Variants in PRKCE observed in about 807,000 individuals in gnomAD.
PRKCE encodes protein kinase C epsilon.
In PRKCE, 16 loss-of-function variants were observed where a neutral mutation model predicts 85.4. That is an observed-to-expected ratio of 0.19 (90% confidence interval 0.13 to 0.28). The LOEUF is 0.28. Ranked by LOEUF, PRKCE falls within the 10% of genes least tolerant of loss-of-function variation. The pLI, the probability that PRKCE is intolerant of heterozygous loss-of-function variation, is 1.00. For synonymous variants in PRKCE, 388 were observed against 371.5 expected, an observed-to-expected ratio of 1.04 and a Z score of -0.51; for missense variants, 573 against 975.2, an observed-to-expected ratio of 0.59 and a Z score of 5.49.
chr2:46,085,755 GT>G (rs869284473), intron 10 of PRKCE, among the ~76,000 whole-genome samples: 240 of 21,552 alleles, frequency 0.011, 6 homozygotes, highest in Admixed American at 0.026. Context: ...TTTTGTTTTT[GT>G]TTTTTTTTTT....
At chr2:45,880,304 T>C (rs865823033) in intron 2 of PRKCE, among the ~76,000 whole-genome samples, 2 of 152,256 alleles carry the variant, frequency 1.3e-5, no homozygotes, top group Non-Finnish European at 2.9e-5. Flanking sequence ...TCTTGGCCAT[T>C]GTGTCTACTG....
Position 46,033,645 on chromosome 2 carries a change from C to A in PRKCE, c.1437+23128C>A, listed in dbSNP as rs80251224. Among the ~76,000 whole-genome samples, 431 of 152,304 alleles carry A rather than the reference C, an allele frequency of 2.8e-3. 1 individual carries two copies. The highest frequency in any genetic ancestry group is 4.1e-3 in the Non-Finnish European group (278 of 68,032). On this transcript the variant is annotated intron_variant, in intron 10 of 14. Transcript: ENST00000306156. ...TTTAGAATCAATCAGCAAATGACTG[C>A]CCAAGGCACTGTCCTAAATCTGACT...
intron 2 of PRKCE, among the ~76,000 whole-genome samples, chr2:45,971,618 C>T (rs887142963): frequency 6.6e-6 from 1 of 152,178 alleles, no homozygotes; most frequent in African/African-American, 2.4e-5. Flanking sequence ...AGAAGACAAT[C>T]TCTTTTGAAT....
chr2:46,022,318 A>G (rs889666804), intron 10 of PRKCE, among the ~76,000 whole-genome samples: 2 of 152,218 alleles, frequency 1.3e-5, no homozygotes, highest in African/African-American at 4.8e-5. Context: ...CCAGAATCTG[A>G]TTCTAAAGAC....
intron 2 of PRKCE, among the ~76,000 whole-genome samples, 178 bp from the exon 3 acceptor site, chr2:45,976,251 C>T (rs955168477): frequency 6.6e-6 from 1 of 152,182 alleles, no homozygotes; most frequent in Non-Finnish European, 1.5e-5. Flanking sequence ...CATGTGCTCG[C>T]TCACTCCAGC....
At chr2:45,925,889 A>T (rs1424640777) in intron 2 of PRKCE, among the ~76,000 whole-genome samples, 1 of 152,182 alleles carries the variant, frequency 6.6e-6, no homozygotes, top group East Asian at 1.9e-4. Context: ...AAGCAGATAA[A>T]ATATTGGGGT....
chr2:45,870,176 C>CCTCAA (rs1693977480), intron 2 of PRKCE, among the ~76,000 whole-genome samples: 2 of 152,170 alleles, frequency 1.3e-5, no homozygotes, highest in Non-Finnish European at 2.9e-5. Flanking sequence ...TTTAAACAGC[C>CCTCAA]CTCAAGTATT....
At chr2:45,885,427 C>A (rs1695222274) in intron 2 of PRKCE, among the ~76,000 whole-genome samples, 3 of 152,186 alleles carry the variant, frequency 2.0e-5, no homozygotes. Context: ...ATATTCGCAG[C>A]CCATTCTCCA....
At chr2:45,846,877 T>A (rs1384762139) in intron 2 of PRKCE, among the ~76,000 whole-genome samples, 1 of 152,120 alleles carries the variant, frequency 6.6e-6, no homozygotes, top group African/African-American at 2.4e-5. Context: ...TAAGAGATGA[T>A]CAGTAAATAT....
At chr2:45,841,951 T>G (rs1691387173) in intron 1 of PRKCE, among the ~76,000 whole-genome samples, 1 of 152,164 alleles carries the variant, frequency 6.6e-6, no homozygotes, top group Non-Finnish European at 1.5e-5. Flanking sequence ...TATTCACAGC[T>G]TGTTGGGGAG....
At chr2:46,075,016 C>G (rs1668431366) in intron 10 of PRKCE, among the ~76,000 whole-genome samples, 1 of 152,146 alleles carries the variant, frequency 6.6e-6, no homozygotes, top group East Asian at 1.9e-4. Flanking sequence ...AACAAGAATA[C>G]TTTCATTTCT....
At chr2:46,106,557 A>G (rs1052459245) in intron 11 of PRKCE, among the ~76,000 whole-genome samples, 1 of 152,238 alleles carries the variant, frequency 6.6e-6, no homozygotes, top group Non-Finnish European at 1.5e-5. Context: ...AGGTACCAGC[A>G]AATTCCAAGG....
In PRKCE at chr2:46,186,011, C is replaced by T. The variant is rs1335731398; in HGVS notation, c.*1130C>T. On this transcript the variant is annotated 3_prime_UTR_variant, in exon 15 of 15. Coordinates refer to ENST00000306156, the MANE Select transcript of PRKCE (RefSeq NM_005400.3). ...TTGGAATAAGCAGAATGAGGCTAAA[C>T]ATGGGTTATACAAAGGGTATCTGGA... The T allele has an allele frequency of 6.6e-6, 1 of 152,576 alleles. No homozygotes were observed. Among genetic ancestry groups the T allele is most frequent in the African/African-American group, 2.4e-5 (1 of 41,428 alleles). The allele number at this position is 152,576 out of a possible 1,614,324, so 9.5% of individuals were successfully genotyped here.
At chr2:45,707,958 G>A (rs952016115) in intron 1 of PRKCE, among the ~76,000 whole-genome samples, 4 of 152,182 alleles carry the variant, frequency 2.6e-5, no homozygotes, top group South Asian at 2.1e-4. Context: ...GTACCCCTGC[G>A]GGTTGCATTC....
intron 2 of PRKCE, among the ~76,000 whole-genome samples, chr2:45,859,854 C>G (rs918500753): frequency 2.0e-5 from 3 of 152,132 alleles, no homozygotes; most frequent in Non-Finnish European, 4.4e-5. Context: ...TCTCACCCTG[C>G]TAACTCAATA....
rs1403981103 is a variant in PRKCE at position 45,852,110 on chromosome 2, G to A, written c.412+9047G>A. The A allele has an allele frequency of 2.0e-5, 3 of 152,274 alleles. No homozygotes were observed. The East Asian group carries it at 5.8e-4, about 29-fold the overall frequency. The allele number at this position is 152,274 out of a possible 1,614,324, so 9.4% of individuals were successfully genotyped here. ...CTCCGCTGGTACTTGTCCCAAACTTGGTCATCTCCCCAGACAGAGTGCTTT... is the reference window on the plus strand; with the variant it reads ...CTCCGCTGGTACTTGTCCCAAACTTAGTCATCTCCCCAGACAGAGTGCTTT... On this transcript the variant is annotated intron_variant, in intron 2 of 14. Transcript: ENST00000306156.
At chr2:46,067,117 T>G (rs887190215) in intron 10 of PRKCE, among the ~76,000 whole-genome samples, 1 of 152,228 alleles carries the variant, frequency 6.6e-6, no homozygotes, top group Admixed American at 6.5e-5. Context: ...AAAATTTCTT[T>G]CTATTCTTAA....
Position 45,652,127 on chromosome 2 carries a change from G to A in PRKCE, c.27G>A (p.Lys9=), listed in dbSNP as rs1240261732. Residue 9 remains lysine, a synonymous_variant, in exon 1 of 15, where the codon AAG becomes AAA. Transcript: ENST00000306156. This position sits in a 1 kb window ranked among gnomAD's most constrained non-coding sequence, Gnocchi z 7.7. MVVFNGLL[K]IKICEAVSLK... ...TGGTAGTGTTCAATGGCCTTCTTAAGATCAAAATCTGCGAGGCCGTGAGCT... is the reference window on the plus strand; with the variant it reads ...TGGTAGTGTTCAATGGCCTTCTTAAAATCAAAATCTGCGAGGCCGTGAGCT... 2.5e-6 allele frequency: 4 copies of A among 1,574,158 alleles called. No homozygotes were observed. In the East Asian group the frequency reaches 6.8e-5, roughly 27 times the overall value.
intron 14 of PRKCE, among the ~76,000 whole-genome samples, chr2:46,182,419 G>A (rs1234168606): frequency 2.6e-5 from 4 of 152,194 alleles, no homozygotes; most frequent in African/African-American, 4.8e-5. Context: ...ACTGGAGAGG[G>A]AGAACAGATG....
Sources: allele counts gnomAD v4.1 joint callset (sites outside exome capture counted in the v4.1 genomes callset), GRCh38; gene constraint gnomAD v4.1.1; non-coding constraint Gnocchi (gnomAD v3.1); transcripts MANE v1.5; gene names NCBI Gene and HGNC (gene_info 2026-07-23, HGNC 2026-07-21).